CPQ: variants seen among roughly 807,000 people sequenced by gnomAD.
The protein encoded by CPQ is Ser-Met dipeptidase.
In CPQ, 37 loss-of-function variants were observed where a neutral mutation model predicts 45.7. That is an observed-to-expected ratio of 0.81 (90% CI 0.62 to 1.07). The LOEUF (loss-of-function observed/expected upper bound fraction) is 1.07. CPQ is among the 50% of genes least tolerant of loss of function. The pLI, the probability that CPQ is intolerant of heterozygous loss-of-function variation, is 0.00. For missense variants in CPQ, 537 were observed against 572.9 expected (o/e 0.94, Z 0.64); for synonymous variants, 186 against 205.8 (o/e 0.90, Z 0.82).
intron 3 of CPQ, among the ~76,000 whole-genome samples, chr8:96,861,622 C>G (rs1479317747): frequency 1.3e-5 from 2 of 152,112 alleles, no homozygotes; most frequent in Admixed American, 6.5e-5. Flanking sequence ...TGTGGAGATA[C>G]ATCTAAAACA....
chr8:96,965,864 C>A (rs1340112854), intron 4 of CPQ, 71 bp from the exon 5 acceptor site: 6 of 867,324 alleles, frequency 6.9e-6, no homozygotes, highest in Admixed American at 3.0e-5. Flanking sequence ...ATTTTGAATA[C>A]CTATAAATGT....
chr8:96,898,776 TAAAA>T (rs11390361), intron 4 of CPQ, among the ~76,000 whole-genome samples: 1 of 137,646 alleles, frequency 7.3e-6, no homozygotes, highest in Non-Finnish European at 1.5e-5. Flanking sequence ...TAGGGTATAA[TAAAA>T]AAAAAAAAAA....
chr8:97,013,392 A>G (rs1809524660), intron 5 of CPQ, among the ~76,000 whole-genome samples: 1 of 152,218 alleles, frequency 6.6e-6, no homozygotes, highest in Non-Finnish European at 1.5e-5. Flanking sequence ...CTATTGTTGC[A>G]GCTTAAAATT....
At chr8:96,743,868 G>T (rs1235823953) in intron 1 of CPQ, among the ~76,000 whole-genome samples, 1 of 152,240 alleles carries the variant, frequency 6.6e-6, no homozygotes, top group Non-Finnish European at 1.5e-5. Context: ...GAGAACCACT[G>T]CTCTCTTCAA....
intron 3 of CPQ, among the ~76,000 whole-genome samples, chr8:96,877,627 A>G (rs1490144359): frequency 6.6e-6 from 1 of 152,256 alleles, no homozygotes; most frequent in Non-Finnish European, 1.5e-5. Flanking sequence ...ACTAATTTTT[A>G]CTAAGTAATT....
intron 5 of CPQ, among the ~76,000 whole-genome samples, chr8:96,984,250 A>T (rs1813963746): frequency 6.6e-6 from 1 of 152,140 alleles, no homozygotes; most frequent in South Asian, 2.1e-4. Flanking sequence ...CCTTGTTTAT[A>T]AACTGTCCCC....
intron 6 of CPQ, among the ~76,000 whole-genome samples, chr8:97,050,822 G>T (rs1182666501): frequency 6.6e-6 from 1 of 152,058 alleles, no homozygotes; most frequent in Non-Finnish European, 1.5e-5. Flanking sequence ...AAGTTTCCTG[G>T]CCTACATAGC....
intron 5 of CPQ, among the ~76,000 whole-genome samples, chr8:97,026,271 CTTTGT>C (rs747462124): frequency 2.0e-5 from 3 of 152,126 alleles, no homozygotes; most frequent in African/African-American, 4.8e-5. Context: ...TATACATTTG[CTTTGT>C]TTTATTTAAC....
intron 5 of CPQ, among the ~76,000 whole-genome samples, chr8:96,981,169 GT>G (rs1199814054): frequency 1.3e-5 from 2 of 152,078 alleles, no homozygotes; most frequent in Non-Finnish European, 2.9e-5. Context: ...AAATCTTTCT[GT>G]TTTTTAATAT....
intron 5 of CPQ, among the ~76,000 whole-genome samples, chr8:96,995,740 A>G (rs1809169137): frequency 6.6e-6 from 1 of 151,424 alleles, no homozygotes; most frequent in Admixed American, 6.6e-5. Context: ...AACTTGTGTC[A>G]TGGGGGTTTG....
intron 6 of CPQ, among the ~76,000 whole-genome samples, chr8:97,037,561 C>T (rs1270731076): frequency 6.6e-6 from 1 of 152,174 alleles, no homozygotes; most frequent in Non-Finnish European, 1.5e-5. Context: ...GTCTCTCAAG[C>T]ACATCACAAA....
intron 1 of CPQ, among the ~76,000 whole-genome samples, chr8:96,768,706 CA>C (rs1449880704): frequency 6.6e-6 from 1 of 152,120 alleles, no homozygotes; most frequent in Admixed American, 6.6e-5. Flanking sequence ...GGTTTAATAG[CA>C]AATTTTGCAG....
chr8:96,903,874 T>C (rs961271791), intron 4 of CPQ, among the ~76,000 whole-genome samples: 1 of 152,200 alleles, frequency 6.6e-6, no homozygotes, highest in African/African-American at 2.4e-5. Context: ...ATTTTGTTCT[T>C]ATTTGCTCCG....
chr8:96,756,756 A>G, intron 1 of CPQ, among the ~76,000 whole-genome samples: 1 of 152,148 alleles, frequency 6.6e-6, no homozygotes, highest in East Asian at 1.9e-4. Context: ...TATTGCCAAT[A>G]TCTTGCAATT....
intron 1 of CPQ, among the ~76,000 whole-genome samples, chr8:96,674,215 G>A (rs1809042862): frequency 6.6e-6 from 1 of 152,134 alleles, no homozygotes; most frequent in South Asian, 2.1e-4. Flanking sequence ...TTCTGAAGAG[G>A]AAAGGAGTCT....
intron 3 of CPQ, among the ~76,000 whole-genome samples, chr8:96,837,090 G>A (rs1335870718): frequency 6.6e-6 from 1 of 152,134 alleles, no homozygotes; most frequent in Admixed American, 6.5e-5. Context: ...ATGCAGAAGG[G>A]TCATTATTAG....
chr8:97,044,723 G>C (rs1810202411), intron 6 of CPQ, among the ~76,000 whole-genome samples: 1 of 152,216 alleles, frequency 6.6e-6, no homozygotes, highest in African/African-American at 2.4e-5. Context: ...TCAGCTGCAG[G>C]TCTGTTGGAG....
intron 6 of CPQ, among the ~76,000 whole-genome samples, chr8:97,058,900 G>A (rs998278180): frequency 2.0e-5 from 3 of 151,928 alleles, no homozygotes; most frequent in East Asian, 1.9e-4. Context: ...CATATCTACC[G>A]AATATCCTGG....
At chr8:97,024,482 A>C (rs1007961596) in intron 5 of CPQ, among the ~76,000 whole-genome samples, 2 of 152,190 alleles carry the variant, frequency 1.3e-5, no homozygotes, top group African/African-American at 4.8e-5. Context: ...AAAGACACCA[A>C]GGGATTCTTC....
Sources: allele counts gnomAD v4.1 joint callset (sites outside exome capture counted in the v4.1 genomes callset), GRCh38; gene constraint gnomAD v4.1.1; transcripts MANE v1.5; gene names NCBI Gene and HGNC (gene_info 2026-07-23, HGNC 2026-07-21).